PEDS1: variants seen among roughly 807,000 people sequenced by gnomAD.
PEDS1 encodes plasmanylethanolamine desaturase 1.
In PEDS1, 14 loss-of-function variants were observed where a neutral mutation model predicts 35.2. The observed-to-expected ratio is 0.40, with a 90% CI of 0.26 to 0.62. The LOEUF is 0.62. Among genes scored for constraint, PEDS1 ranks in the 20% least tolerant of loss-of-function variants. The pLI, the probability that PEDS1 is intolerant of heterozygous loss-of-function variation, is 0.44. For missense variants in PEDS1, 260 were observed against 367.8 expected (o/e 0.71, Z 2.40); for synonymous variants, 152 against 152.0 (o/e 1.00, Z 0.00).
chr20:50,136,687 C>T (rs990367463), intron 2 of PEDS1, among the ~76,000 whole-genome samples: 5 of 141,274 alleles, frequency 3.5e-5, no homozygotes, highest in African/African-American at 1.3e-4. Context: ...CGTGCCACTA[C>T]ACTCCAGCCT....
At chr20:50,149,065 A>G (rs2081375125) in intron 1 of PEDS1, among the ~76,000 whole-genome samples, 1 of 152,170 alleles carries the variant, frequency 6.6e-6, no homozygotes, top group Non-Finnish European at 1.5e-5. Context: ...GTGAGCTGCA[A>G]TCGCTCCATC....
chr20:50,146,352 T>A (rs912429909), intron 1 of PEDS1, among the ~76,000 whole-genome samples: 2 of 151,992 alleles, frequency 1.3e-5, no homozygotes, highest in Non-Finnish European at 2.9e-5. Context: ...TTGTCTACGT[T>A]TGTCTTTCCC....
chr20:50,153,229 T>C (rs1454056611), intron 1 of PEDS1, among the ~76,000 whole-genome samples: 2 of 151,674 alleles, frequency 1.3e-5, no homozygotes, highest in Non-Finnish European at 2.9e-5. Context: ...GCCCCGGGGC[T>C]AGGATTCCGT....
Position 50,124,598 on chromosome 20 carries a change from GC to G in PEDS1, c.*459del. The G allele has an allele frequency of 6.4e-6, 1 of 157,474 alleles. No individual in the cohort carries two copies. Among genetic ancestry groups the G allele is most frequent in the South Asian group, 1.9e-4 (1 of 5,370 alleles). 9.8% of individuals were successfully genotyped at this position (157,474 alleles called of 1,614,324 possible). A position where few individuals can be genotyped will look rare whatever the true frequency, so the allele number is the denominator to read the frequency against. ...GTGGCTGGGGCTGTCCACCTGCCCA[GC>G]CTCCCGGGGTCAGTATGCAGGGCTG... On this transcript the variant is annotated 3_prime_UTR_variant, in exon 6 of 6. Transcript: ENST00000371652.
chr20:50,145,999 C>G (rs181960590), intron 1 of PEDS1, among the ~76,000 whole-genome samples: 1 of 152,154 alleles, frequency 6.6e-6, no homozygotes, highest in Non-Finnish European at 1.5e-5. Flanking sequence ...GCTCTCGCCC[C>G]GCTCTATCCT....
In PEDS1 at chr20:50,122,204, G is replaced by C. The variant is rs1000502451; in HGVS notation, c.*2854C>G. On this transcript the variant is annotated 3_prime_UTR_variant, in exon 6 of 6. Coordinates refer to ENST00000371652, the MANE Select transcript of PEDS1 (RefSeq NM_199129.4). ...TTTTGATGAATCATGTGAGCCCCTGGGTCCTGCCAAACCTTAATTCAGAAC... is the reference window on the plus strand; with the variant it reads ...TTTTGATGAATCATGTGAGCCCCTGCGTCCTGCCAAACCTTAATTCAGAAC... The C allele has an allele frequency of 3.3e-5, 5 of 152,056 alleles. No homozygotes were observed. The highest frequency in any genetic ancestry group is 1.2e-4 in the African/African-American group (5 of 41,400). The allele number at this position is 152,056 out of a possible 1,614,324, so 9.4% of individuals were successfully genotyped here. A position where few individuals can be genotyped will look rare whatever the true frequency, so the allele number is the denominator to read the frequency against.
At chr20:50,151,483 C>T (rs2081402434) in intron 1 of PEDS1, among the ~76,000 whole-genome samples, 1 of 152,208 alleles carries the variant, frequency 6.6e-6, no homozygotes. Flanking sequence ...GCCCTTGAAT[C>T]CTTATCCCCA....
Position 50,145,673 on chromosome 20 carries a change from A to C in PEDS1, c.122-2052T>G, listed in dbSNP as rs141409406. 1.9e-4 allele frequency among the ~76,000 whole-genome samples: 29 copies of C among 152,252 alleles called. No homozygotes were observed. The East Asian group carries it at 5.4e-3, about 28-fold the overall frequency. ...GCCATTGCACTCCAGCCTGGGTGAC[A>C]AGAGTAAAACTCCATCTCAAGAAAA... On this transcript the variant is annotated intron_variant, in intron 1 of 5. Transcript: ENST00000371652.
In PEDS1 at chr20:50,129,037, G is replaced by A. The variant is rs985432510; in HGVS notation, c.478+509C>T. On this transcript the variant is annotated intron_variant, in intron 4 of 5. Transcript: ENST00000371652. The surrounding 1 kb of genome is among the most constrained non-coding windows in gnomAD (Gnocchi z 4.2). ...GGTGTTAAGGTGCTGGAACAGGACC[G>A]GGCCCCAACCTACCTCCACCTGACA... 1.3e-5 allele frequency among the ~76,000 whole-genome samples: 2 copies of A among 152,188 alleles called. No individual in the cohort carries two copies. Among genetic ancestry groups the A allele is most frequent in the African/African-American group, 2.4e-5 (1 of 41,432 alleles).
chr20:50,125,549 T>TATCTATCTATCTATCC (rs1555883144), intron 5 of PEDS1, among the ~76,000 whole-genome samples: 32 of 16,274 alleles, frequency 2.0e-3, no homozygotes, highest in African/African-American at 4.7e-3. Context: ...ACCCTTTATC[T>TATCTATCTATCTATCC]ATCTATCTAT....
At chr20:50,136,785 C>T (rs1430201282) in intron 2 of PEDS1, among the ~76,000 whole-genome samples, 1 of 150,130 alleles carries the variant, frequency 6.7e-6, no homozygotes, top group Non-Finnish European at 1.5e-5. Flanking sequence ...GCCTATAATC[C>T]CAGCACTTTG....
chr20:50,124,848 G>A lies in PEDS1; in HGVS notation c.*210C>T. ...TGCAGATAGAGCAACTCAGGTGGCTGAGGAGGGGCCGAGGAAAAAAAAAAA... is the reference window on the plus strand; with the variant it reads ...TGCAGATAGAGCAACTCAGGTGGCTAAGGAGGGGCCGAGGAAAAAAAAAAA... On this transcript the variant is annotated 3_prime_UTR_variant, in exon 6 of 6. Transcript: ENST00000371652. The A allele has an allele frequency of 5.3e-6, 3 of 571,000 alleles. No homozygotes were observed. Among genetic ancestry groups the A allele is most frequent in the Non-Finnish European group, 8.9e-6 (3 of 337,988 alleles). The allele number at this position is 571,000 out of a possible 1,614,324, so 35.4% of individuals were successfully genotyped here. A position where few individuals can be genotyped will look rare whatever the true frequency, so the allele number is the denominator to read the frequency against.
intron 1 of PEDS1, among the ~76,000 whole-genome samples, chr20:50,144,705 A>G (rs2081328569): frequency 6.6e-6 from 1 of 152,224 alleles, no homozygotes; most frequent in Non-Finnish European, 1.5e-5. Flanking sequence ...TCATCTCTGC[A>G]GCCAGGAAAA....
At position 50,140,862 on chromosome 20, in the gene PEDS1, G is replaced by C. The variant is rs2081285396; in HGVS notation, c.241+2640C>G. On this transcript the variant is annotated intron_variant, in intron 2 of 5. Transcript: ENST00000371652. Reference sequence around the variant, plus strand: ...GCCTGCATGTTAACACACAAATCGGGGTGGCTATTTAAATCGATTAGGGAC... The same window carrying C: ...GCCTGCATGTTAACACACAAATCGGCGTGGCTATTTAAATCGATTAGGGAC... 2.0e-5 allele frequency among the ~76,000 whole-genome samples: 3 copies of C among 152,152 alleles called. No homozygotes were observed. The South Asian group carries it at 6.2e-4, about 31-fold the overall frequency.
rs1215130012 is a variant in PEDS1, at chr20:50,151,308, G to C, written c.121+2209C>G. On this transcript the variant is annotated intron_variant, in intron 1 of 5. Transcript: ENST00000371652. ...CAGGCATGGCTGTTCTTCAGAGAGT[G>C]AAGGGCACTTGGGGAAACCAGAAAT... 4.6e-6 allele frequency: 6 copies of C among 1,304,074 alleles called. No homozygotes were observed. In the Admixed American group the frequency reaches 6.9e-5, roughly 15 times the overall value. 80.8% of individuals were successfully genotyped at this position (1,304,074 alleles called of 1,614,324 possible). A position where few individuals can be genotyped will look rare whatever the true frequency, so the allele number is the denominator to read the frequency against.
chr20:50,151,228 G>C, intron 1 of PEDS1: 1 of 1,304,154 alleles, frequency 7.7e-7, no homozygotes. Flanking sequence ...GTCTGGAGGA[G>C]ATAAAGGGCC....
At chr20:50,151,126 C>T (rs1568658712) in intron 1 of PEDS1, 2 of 729,068 alleles carry the variant, frequency 2.7e-6, no homozygotes, top group East Asian at 6.5e-5. Flanking sequence ...AAATACTTCC[C>T]CAAGATCACA....
chr20:50,126,690 G>A (rs1325998628), intron 5 of PEDS1, among the ~76,000 whole-genome samples: 5 of 152,196 alleles, frequency 3.3e-5, no homozygotes, highest in African/African-American at 1.2e-4. Context: ...TTAGGCCTGA[G>A]TTAGACTTGA....
intron 2 of PEDS1, among the ~76,000 whole-genome samples, chr20:50,135,178 C>A (rs992022973): frequency 1.3e-5 from 2 of 151,218 alleles, no homozygotes; most frequent in African/African-American, 4.9e-5. Context: ...GATGGAGACT[C>A]CATCTCAGAA....
Sources: gnomAD v4.1 joint callset for allele counts (sites outside exome capture counted in the v4.1 genomes callset) on GRCh38, gnomAD v4.1.1 for gene constraint, Gnocchi (gnomAD v3.1) non-coding constraint, MANE v1.5 for transcripts, NCBI Gene and HGNC (gene_info 2026-07-23, HGNC 2026-07-21) for gene names.